The following BNC2 variants were observed in gnomAD, a reference collection of about 807,000 sequenced individuals.
The protein encoded by BNC2 is basonuclin zinc finger protein 2.
A neutral mutation model predicts 76.3 loss-of-function variants in BNC2; 20 were observed. That is an observed-to-expected ratio of 0.26 (90% CI 0.18 to 0.38). The LOEUF is 0.38. BNC2 is among the 10% of genes least tolerant of loss of function. The probability of loss-of-function intolerance (pLI) is 1.00; values close to 1 mark genes in which losing one functional copy is unlikely to be tolerated. For missense variants in BNC2, 1,382 were observed against 1,399.8 expected (o/e 0.99, Z 0.20); for synonymous variants, 582 against 514.8 (o/e 1.13, Z -1.77).
At chr9:16,639,193 T>G (rs1226949775) in intron 3 of BNC2, among the ~76,000 whole-genome samples, 2 of 152,156 alleles carry the variant, frequency 1.3e-5, no homozygotes, top group East Asian at 3.8e-4. Context: ...GGATGACACT[T>G]TAGGAGACAT....
At chr9:16,832,167 T>A (rs1193236240) in intron 1 of BNC2, 3 of 612,380 alleles carry the variant, frequency 4.9e-6, no homozygotes, top group Non-Finnish European at 7.2e-6. Flanking sequence ...TTAGTAGGTT[T>A]CATTCATGCG....
intron 1 of BNC2, among the ~76,000 whole-genome samples, chr9:16,854,048 C>G (rs895450452): frequency 1.3e-5 from 2 of 152,122 alleles, no homozygotes; most frequent in African/African-American, 4.8e-5. Context: ...GGACACCAGG[C>G]CGGCAGGCTG....
intron 1 of BNC2, among the ~76,000 whole-genome samples, chr9:16,770,409 A>G (rs549924362): frequency 6.6e-6 from 1 of 152,320 alleles, no homozygotes; most frequent in Non-Finnish European, 1.5e-5. Context: ...CAGAAGGTAA[A>G]TTACTGACAT....
chr9:16,541,949 G>T (rs576848077), intron 5 of BNC2, among the ~76,000 whole-genome samples: 71 of 151,864 alleles, frequency 4.7e-4, no homozygotes, highest in Non-Finnish European at 5.7e-4. Flanking sequence ...TGCAATATAC[G>T]CCAGTCTTCA....
At position 16,603,496 on chromosome 9, in the gene BNC2, G is replaced by A. The variant is rs368590084; in HGVS notation, c.331-20411C>T. Among the ~76,000 whole-genome samples, 99 of 152,224 alleles carry A rather than the reference G, an allele frequency of 6.5e-4. 1 individual carries two copies. The East Asian group carries it at 0.016, about 24-fold the overall frequency. On this transcript the variant is annotated intron_variant, in intron 3 of 6. Coordinates refer to ENST00000380672, the MANE Select transcript of BNC2 (RefSeq NM_017637.6). ...ACCAAAAGTCACAAATTTTTTGTCTGTGTGCAAAATTGCTCCATTGAAGAA... is the reference window on the plus strand; with the variant it reads ...ACCAAAAGTCACAAATTTTTTGTCTATGTGCAAAATTGCTCCATTGAAGAA...
At chr9:16,861,898 A>C (rs1586944311) in intron 1 of BNC2, among the ~76,000 whole-genome samples, 1 of 152,038 alleles carries the variant, frequency 6.6e-6, no homozygotes. Flanking sequence ...CTGAGGCAGG[A>C]GAATGGCGTG....
At chr9:16,586,741 G>C (rs1819782854) in intron 3 of BNC2, among the ~76,000 whole-genome samples, 1 of 152,196 alleles carries the variant, frequency 6.6e-6, no homozygotes, top group African/African-American at 2.4e-5. Context: ...TGTGGAGCCA[G>C]GCACTGCCTC....
chr9:16,792,601 T>C (rs1318150885), intron 1 of BNC2, among the ~76,000 whole-genome samples: 1 of 152,196 alleles, frequency 6.6e-6, no homozygotes, highest in Non-Finnish European at 1.5e-5. Flanking sequence ...AAAGAATAGT[T>C]CAAATACATT....
chr9:16,475,997 G>A lies in BNC2; in HGVS notation c.670-38473C>T, dbSNP rs1322063519. 3.3e-5 allele frequency: 5 copies of A among 152,298 alleles called. No homozygotes were observed. In the East Asian group the frequency reaches 9.7e-4, roughly 29 times the overall value. 9.4% of individuals were successfully genotyped at this position (152,298 alleles called of 1,614,324 possible). On this transcript the variant is annotated intron_variant, in intron 5 of 6. Transcript: ENST00000380672. Reference sequence around the variant, plus strand: ...ACCATGTCTTTCTGTCAACAGTGAAGCAATTCCCGTGTCCAAAAGATCTCC... The same window carrying A: ...ACCATGTCTTTCTGTCAACAGTGAAACAATTCCCGTGTCCAAAAGATCTCC...
chr9:16,864,496 G>A (rs547512806), intron 1 of BNC2, among the ~76,000 whole-genome samples: 22 of 152,216 alleles, frequency 1.4e-4, no homozygotes, highest in African/African-American at 2.4e-4. Flanking sequence ...GACAAGCCCC[G>A]CACAGGCAAA....
intron 5 of BNC2, among the ~76,000 whole-genome samples, chr9:16,455,091 T>C (rs1340264152): frequency 6.6e-6 from 1 of 152,104 alleles, no homozygotes; most frequent in African/African-American, 2.4e-5. Context: ...ATGTGAGAAA[T>C]GAATATACAT....
chr9:16,774,468 G>C (rs549906293), intron 1 of BNC2, among the ~76,000 whole-genome samples: 2 of 152,310 alleles, frequency 1.3e-5, no homozygotes, highest in Non-Finnish European at 2.9e-5. Flanking sequence ...TATCAGGCCT[G>C]ACATACAGAC....
At chr9:16,659,375 C>A (rs138207689) in intron 3 of BNC2, among the ~76,000 whole-genome samples, 3 of 151,884 alleles carry the variant, frequency 2.0e-5, no homozygotes, top group Non-Finnish European at 4.4e-5. Flanking sequence ...TTTGGGGGGC[C>A]GAGGTGGGCA....
intron 5 of BNC2, among the ~76,000 whole-genome samples, chr9:16,495,955 C>G (rs574776125): frequency 6.7e-6 from 1 of 149,698 alleles, no homozygotes; most frequent in South Asian, 2.1e-4. Context: ...GTTGCCCAGG[C>G]TGAAATGCAA....
chr9:16,789,208 C>T (rs982375747), intron 1 of BNC2, among the ~76,000 whole-genome samples: 5 of 151,928 alleles, frequency 3.3e-5, no homozygotes, highest in Admixed American at 1.3e-4. Context: ...TCAGTGGTTG[C>T]TAGGGACTGG....
intron 5 of BNC2, among the ~76,000 whole-genome samples, chr9:16,458,082 C>T (rs557794403): frequency 1.2e-4 from 19 of 152,132 alleles, no homozygotes; most frequent in East Asian, 3.9e-4. Flanking sequence ...GTGCCCTCTA[C>T]GGTGTCCAGT....
chr9:16,510,395 C>T (rs369049979), intron 5 of BNC2, among the ~76,000 whole-genome samples: 9 of 152,176 alleles, frequency 5.9e-5, no homozygotes, highest in African/African-American at 2.2e-4. Context: ...ATCCACTTAA[C>T]GCCCCTCTGT....
intron 3 of BNC2, among the ~76,000 whole-genome samples, chr9:16,605,284 T>C (rs1292696543): frequency 6.6e-6 from 1 of 152,270 alleles, no homozygotes; most frequent in Non-Finnish European, 1.5e-5. Flanking sequence ...AGTTTAAAAA[T>C]ACTGGCAACG....
In BNC2 at chr9:16,414,537, TAAGA is replaced by T. The variant is rs1820543575; in HGVS notation, c.*4448_*4451del. On this transcript the variant is annotated 3_prime_UTR_variant, in exon 7 of 7. Coordinates refer to ENST00000380672, the MANE Select transcript of BNC2 (RefSeq NM_017637.6). ...GTCATAATTTTAAAAAAGAAGCTCT[TAAGA>T]AAAGGGTGTGACCACAGGATGAAAA... The T allele has an allele frequency of 6.6e-6, 1 of 152,226 alleles. No individual in the cohort carries two copies. The highest frequency in any genetic ancestry group is 1.5e-5 in the Non-Finnish European group (1 of 68,034). 9.4% of individuals were successfully genotyped at this position (152,226 alleles called of 1,614,324 possible). A position where few individuals can be genotyped will look rare whatever the true frequency, so the allele number is the denominator to read the frequency against.
Sources: gnomAD v4.1 joint callset for allele counts (sites outside exome capture counted in the v4.1 genomes callset) on GRCh38, gnomAD v4.1.1 for gene constraint, MANE v1.5 for transcripts, NCBI Gene and HGNC (gene_info 2026-07-23, HGNC 2026-07-21) for gene names.